TMEM132C: variants seen among roughly 807,000 people sequenced by gnomAD.
TMEM132C encodes protein phosphatase 1, regulatory subunit 152.
A neutral mutation model predicts 61.4 loss-of-function variants in TMEM132C; 29 were observed. The ratio of observed to expected loss-of-function variants is 0.47; its 90% CI spans 0.35 to 0.64. The LOEUF is 0.64. TMEM132C is among the 30% of genes least tolerant of loss of function. The probability of loss-of-function intolerance (pLI) is 0.00; values close to 1 mark genes in which losing one functional copy is unlikely to be tolerated. For synonymous variants in TMEM132C, 656 were observed against 633.1 expected (o/e 1.04, Z -0.54); for missense variants, 1,408 against 1,476.9 (o/e 0.95, Z 0.76).
chr12:128,510,422 T>TA (rs1345554613), intron 2 of TMEM132C, among the ~76,000 whole-genome samples: 1 of 152,112 alleles, frequency 6.6e-6, no homozygotes. Context: ...CTTGCTTTTT[T>TA]AAAAAAATAA....
chr12:128,532,673 G>A (rs1273700212), intron 2 of TMEM132C, among the ~76,000 whole-genome samples: 2 of 141,796 alleles, frequency 1.4e-5, no homozygotes, highest in Non-Finnish European at 3.0e-5. Context: ...AAAAAGAGCA[G>A]TAGCCAAATT....
intron 2 of TMEM132C, among the ~76,000 whole-genome samples, chr12:128,513,288 C>T (rs1872622553): frequency 6.6e-6 from 1 of 152,156 alleles, no homozygotes; most frequent in Non-Finnish European, 1.5e-5. Flanking sequence ...ATGGAATAAC[C>T]TCCTCTGCCT....
chr12:128,621,687 C>T (rs927229709), intron 4 of TMEM132C, among the ~76,000 whole-genome samples: 1 of 152,200 alleles, frequency 6.6e-6, no homozygotes, highest in African/African-American at 2.4e-5. Flanking sequence ...TCTGCCCGGC[C>T]TGATGTGTGT....
At chr12:128,490,818 G>A (rs907401534) in intron 2 of TMEM132C, among the ~76,000 whole-genome samples, 1 of 152,194 alleles carries the variant, frequency 6.6e-6, no homozygotes, top group Middle Eastern at 3.2e-3. Flanking sequence ...TTCGTAAAGA[G>A]AATAGTGACT....
chr12:128,446,240 A>G (rs539850334), intron 2 of TMEM132C, among the ~76,000 whole-genome samples: 2 of 152,264 alleles, frequency 1.3e-5, no homozygotes, highest in South Asian at 4.1e-4. Flanking sequence ...GGGAAGAGCT[A>G]CCTCCTTCTG....
chr12:128,621,472 A>G (rs983092525), intron 4 of TMEM132C, among the ~76,000 whole-genome samples: 4 of 152,196 alleles, frequency 2.6e-5, no homozygotes, highest in African/African-American at 9.6e-5. Context: ...CCCGTAGCCA[A>G]GGGAAGCAAA....
intron 1 of TMEM132C, among the ~76,000 whole-genome samples, chr12:128,286,611 A>G (rs770226892): frequency 2.6e-5 from 4 of 152,224 alleles, no homozygotes; most frequent in Non-Finnish European, 5.9e-5. Context: ...GTGTGGGACA[A>G]ATAGTCTAGG....
intron 1 of TMEM132C, among the ~76,000 whole-genome samples, chr12:128,268,505 C>G (rs1870395883): frequency 6.6e-6 from 1 of 151,994 alleles, no homozygotes; most frequent in African/African-American, 2.4e-5. Flanking sequence ...CGTCGCTTTC[C>G]TGCTCCCCGC....
intron 2 of TMEM132C, among the ~76,000 whole-genome samples, chr12:128,538,589 T>G (rs1042616294): frequency 2.0e-5 from 3 of 152,362 alleles, no homozygotes; most frequent in East Asian, 3.9e-4. Context: ...TTGAACTATT[T>G]AAAAATACAA....
intron 4 of TMEM132C, among the ~76,000 whole-genome samples, chr12:128,657,824 A>T (rs1322700848): frequency 6.6e-6 from 1 of 152,240 alleles, no homozygotes; most frequent in African/African-American, 2.4e-5. Context: ...AAATAGTGTC[A>T]CAGTTTGTGG....
intron 2 of TMEM132C, among the ~76,000 whole-genome samples, chr12:128,542,749 T>C (rs1324240009): frequency 6.6e-6 from 1 of 150,550 alleles, no homozygotes; most frequent in Non-Finnish European, 1.5e-5. Context: ...TAGTCCCAGC[T>C]ACTCGGCAGG....
intron 2 of TMEM132C, among the ~76,000 whole-genome samples, chr12:128,491,328 A>G (rs973354316): frequency 3.3e-5 from 5 of 152,292 alleles, no homozygotes; most frequent in Middle Eastern, 3.4e-3. Flanking sequence ...CAATTGAGCA[A>G]TTTGGGCATC....
chr12:128,580,675 T>C lies in TMEM132C; in HGVS notation c.1122-35477T>C, dbSNP rs867683790. On this transcript the variant is annotated intron_variant, in intron 3 of 8. Coordinates refer to ENST00000435159, the MANE Select transcript of TMEM132C (RefSeq NM_001136103.3). ...GCAAAGGACAGAGGTGCATTGCACA[T>C]GGCATTGATCAGGATGGAGAAGGAG... is the stretch of plus-strand genomic sequence containing the variant. 2.0e-5 allele frequency among the ~76,000 whole-genome samples: 3 copies of C among 152,186 alleles called. No individual in the cohort carries two copies. In the South Asian group the frequency reaches 6.2e-4, roughly 32 times the overall value.
At chr12:128,267,562 A>T in intron 1 of TMEM132C, 75 bp downstream of exon 1, 1 of 1,130,288 alleles carries the variant, frequency 8.8e-7, no homozygotes. Flanking sequence ...GGGTGAGGGC[A>T]GCCGAAGCGA....
intron 3 of TMEM132C, among the ~76,000 whole-genome samples, chr12:128,551,606 G>A (rs1874177757): frequency 1.3e-5 from 2 of 152,244 alleles, no homozygotes; most frequent in Non-Finnish European, 1.5e-5. Context: ...CCCTGTGACA[G>A]AGAGGATCGA....
intron 2 of TMEM132C, among the ~76,000 whole-genome samples, chr12:128,463,874 A>C (rs576973775): frequency 1.3e-5 from 2 of 152,270 alleles, no homozygotes; most frequent in African/African-American, 2.4e-5. Context: ...ATGTGAGTTG[A>C]ATGGCCATGT....
At chr12:128,348,246 A>C (rs1873232944) in intron 1 of TMEM132C, among the ~76,000 whole-genome samples, 1 of 152,204 alleles carries the variant, frequency 6.6e-6, no homozygotes, top group South Asian at 2.1e-4. Flanking sequence ...TGTTCATTGT[A>C]TCATATAGAA....
At chr12:128,597,382 G>T (rs952781263) in intron 3 of TMEM132C, among the ~76,000 whole-genome samples, 5 of 152,104 alleles carry the variant, frequency 3.3e-5, no homozygotes, top group Admixed American at 3.3e-4. Context: ...GGAGCCTGAG[G>T]TAGGAGAATC....
At chr12:128,688,301 G>A (rs775416627) in intron 5 of TMEM132C, among the ~76,000 whole-genome samples, 14 of 152,136 alleles carry the variant, frequency 9.2e-5, no homozygotes, top group Non-Finnish European at 1.8e-4. Flanking sequence ...ACCAACTCTC[G>A]TTGACATTTC....
Sources: allele counts gnomAD v4.1 joint callset (sites outside exome capture counted in the v4.1 genomes callset), GRCh38; gene constraint gnomAD v4.1.1; transcripts MANE v1.5; gene names NCBI Gene and HGNC (gene_info 2026-07-23, HGNC 2026-07-21).